Variants in EBF1 observed in about 807,000 individuals in gnomAD.
EBF1 encodes transcription factor COE1.
EBF1 carries 10 observed loss-of-function variants against 68.4 expected under a neutral mutation model. The observed-to-expected ratio is 0.15, with a 90% CI of 0.09 to 0.25. The LOEUF (loss-of-function observed/expected upper bound fraction) is 0.25. Among genes scored for constraint, EBF1 ranks in the 10% least tolerant of loss-of-function variants. The pLI is 1.00. For synonymous variants in EBF1, 298 were observed against 299.8 expected (o/e 0.99, Z 0.06); for missense variants, 509 against 794.4 (o/e 0.64, Z 4.32).
chr5:158,954,281 T>C (rs1175283926), intron 6 of EBF1, among the ~76,000 whole-genome samples: 2 of 152,138 alleles, frequency 1.3e-5, no homozygotes, highest in African/African-American at 2.4e-5. Context: ...TAAATGACAG[T>C]ATGGCAGTAG....
intron 6 of EBF1, among the ~76,000 whole-genome samples, chr5:158,876,509 C>A (rs1275691647): frequency 6.6e-6 from 1 of 152,130 alleles, no homozygotes; most frequent in African/African-American, 2.4e-5. Context: ...TCTCACTGAG[C>A]CTGCTGCTTT....
chr5:158,843,651 T>C (rs760028621), intron 6 of EBF1, among the ~76,000 whole-genome samples: 3 of 152,152 alleles, frequency 2.0e-5, no homozygotes, highest in Non-Finnish European at 4.4e-5. Flanking sequence ...GAAAAGACGC[T>C]CTGAAGGGCC....
intron 10 of EBF1, among the ~76,000 whole-genome samples, chr5:158,739,505 T>C (rs550595169): frequency 2.6e-5 from 4 of 152,324 alleles, no homozygotes; most frequent in African/African-American, 9.6e-5. Context: ...ATTTTTTTTT[T>C]GACCTTTCAA....
At chr5:158,784,489 T>C (rs1053955999) in intron 9 of EBF1, among the ~76,000 whole-genome samples, 3 of 152,134 alleles carry the variant, frequency 2.0e-5, no homozygotes, top group East Asian at 3.9e-4. Flanking sequence ...CTGAGAATGA[T>C]TCCCAAGGAA....
chr5:158,947,453 C>T (rs1164941655), intron 6 of EBF1, among the ~76,000 whole-genome samples: 3 of 152,190 alleles, frequency 2.0e-5, no homozygotes, highest in Non-Finnish European at 4.4e-5. Context: ...AGGGAGTTTC[C>T]TGACTGCTTG....
At chr5:158,928,597 C>T (rs140214393) in intron 6 of EBF1, among the ~76,000 whole-genome samples, 27 of 152,290 alleles carry the variant, frequency 1.8e-4, no homozygotes, top group African/African-American at 4.3e-4. Flanking sequence ...CTCTCTACAG[C>T]GCAGCAATGA....
intron 6 of EBF1, among the ~76,000 whole-genome samples, chr5:158,883,777 C>T (rs926044200): frequency 6.6e-6 from 1 of 152,116 alleles, no homozygotes; most frequent in South Asian, 2.1e-4. Context: ...GTCTCCTTCC[C>T]TACTGTTCAA....
intron 6 of EBF1, among the ~76,000 whole-genome samples, chr5:159,065,363 G>A (rs908893349): frequency 6.6e-6 from 1 of 152,128 alleles, no homozygotes; most frequent in Non-Finnish European, 1.5e-5. Flanking sequence ...CGGCAAAGGC[G>A]GAGAATTCAC....
intron 6 of EBF1, among the ~76,000 whole-genome samples, chr5:159,031,582 G>C (rs1768891167): frequency 6.6e-6 from 1 of 152,222 alleles, no homozygotes; most frequent in African/African-American, 2.4e-5. Context: ...AGAAGGGGAG[G>C]AGGCAAAGTC....
At chr5:158,897,775 G>C (rs1218814200) in intron 6 of EBF1, among the ~76,000 whole-genome samples, 1 of 152,178 alleles carries the variant, frequency 6.6e-6, no homozygotes, top group Admixed American at 6.6e-5. Flanking sequence ...CCCCACAGCT[G>C]TTTTGGTGAA....
intron 6 of EBF1, among the ~76,000 whole-genome samples, chr5:158,985,142 C>T (rs775979721): frequency 1.1e-4 from 16 of 152,022 alleles, no homozygotes; most frequent in Non-Finnish European, 1.6e-4. Flanking sequence ...TAAAACAGTA[C>T]AGATGATATA....
At chr5:158,762,098 A>G (rs1335082367) in intron 10 of EBF1, among the ~76,000 whole-genome samples, 2 of 152,176 alleles carry the variant, frequency 1.3e-5, no homozygotes, top group African/African-American at 4.8e-5. Flanking sequence ...TTTATACCTC[A>G]ACCCCCATTT....
intron 6 of EBF1, among the ~76,000 whole-genome samples, chr5:159,065,954 G>A (rs1439013749): frequency 6.6e-6 from 1 of 152,030 alleles, no homozygotes; most frequent in African/African-American, 2.4e-5. Flanking sequence ...AGCCCCCCAT[G>A]CTGCTACTGA....
intron 6 of EBF1, among the ~76,000 whole-genome samples, chr5:158,969,917 A>AAAGAAAGAAAGAAAGAAAG (rs1491531766): frequency 3.9e-5 from 2 of 50,854 alleles, no homozygotes; most frequent in Admixed American, 2.0e-4. Context: ...AGAAAGAAAG[A>AAAGAAAGAAAGAAAGAAAG]AAAAAAAAAA....
chr5:158,753,462 A>G (rs556277077), intron 10 of EBF1, among the ~76,000 whole-genome samples: 4 of 152,134 alleles, frequency 2.6e-5, no homozygotes, highest in Non-Finnish European at 4.4e-5. Context: ...ATAATCTTAG[A>G]GTTAGACCAA....
At chr5:158,755,341 C>T (rs769378159) in intron 10 of EBF1, among the ~76,000 whole-genome samples, 4 of 152,050 alleles carry the variant, frequency 2.6e-5, no homozygotes, top group Non-Finnish European at 5.9e-5. Context: ...CCAGGTTAGG[C>T]TGTCTTCTCC....
intron 9 of EBF1, among the ~76,000 whole-genome samples, chr5:158,780,882 G>A (rs975545987): frequency 1.3e-5 from 2 of 152,082 alleles, no homozygotes; most frequent in Non-Finnish European, 2.9e-5. Context: ...GTACTACCAA[G>A]GACCCATGCC....
chr5:159,007,275 T>C (rs774067896), intron 6 of EBF1, among the ~76,000 whole-genome samples: 1 of 152,126 alleles, frequency 6.6e-6, no homozygotes, highest in African/African-American at 2.4e-5. Context: ...GACTTCTTTA[T>C]GGGGTCCCAG....
At chr5:158,707,936 C>A in intron 15 of EBF1, 43 bp downstream of exon 15, 1 of 1,537,574 alleles carries the variant, frequency 6.5e-7, no homozygotes, top group South Asian at 1.2e-5. Flanking sequence ...AGGGTGAAGT[C>A]AGGGCATTGA....
Sources: gnomAD v4.1 joint callset for allele counts (sites outside exome capture counted in the v4.1 genomes callset) on GRCh38, gnomAD v4.1.1 for gene constraint, MANE v1.5 for transcripts, NCBI Gene and HGNC (gene_info 2026-07-23, HGNC 2026-07-21) for gene names.